Variants in LRCH1 observed in about 807,000 individuals in gnomAD.
LRCH1 encodes leucine rich repeats and calponin homology domain containing 1, also known as leucine-rich repeat and calponin homology domain-containing protein 1.
LRCH1 carries 23 observed loss-of-function variants against 94.9 expected under a neutral mutation model. The observed-to-expected ratio is 0.24, with a 90% CI of 0.17 to 0.34. The LOEUF (loss-of-function observed/expected upper bound fraction) is 0.34. Among genes scored for constraint, LRCH1 ranks in the 10% least tolerant of loss-of-function variants. LRCH1 has a pLI of 1.00. For synonymous variants in LRCH1, 364 were observed against 354.9 expected, an observed-to-expected ratio of 1.03 and a Z score of -0.29; for missense variants, 790 against 945.9, an observed-to-expected ratio of 0.84 and a Z score of 2.16.
chr13:46,678,475 C>G (rs1181490223), intron 3 of LRCH1, among the ~76,000 whole-genome samples: 1 of 152,114 alleles, frequency 6.6e-6, no homozygotes, highest in East Asian at 1.9e-4. Flanking sequence ...GGCGTTTTCC[C>G]CCCATTATTT....
rs1338854252 is a variant in LRCH1, at chr13:46,577,579, T to C, written c.307+23876T>C. ...GGTGGTAGGTTATACAGGGTGGATA[T>C]AGTGTTGAAAGAAGGAATGAATGAA... On this transcript the variant is annotated intron_variant, in intron 1 of 19. Transcript: ENST00000389797. Among the ~76,000 whole-genome samples the C allele has an allele frequency of 2.0e-5, 3 of 152,196 alleles. No individual in the cohort carries two copies. The East Asian group carries it at 5.8e-4, about 29-fold the overall frequency.
At chr13:46,557,858 C>CA (rs2050082903) in intron 1 of LRCH1, among the ~76,000 whole-genome samples, 2 of 151,858 alleles carry the variant, frequency 1.3e-5, no homozygotes. Flanking sequence ...GACTCCATCT[C>CA]AAAAAATGAA....
intron 3 of LRCH1, among the ~76,000 whole-genome samples, chr13:46,671,599 A>G (rs1277655708): frequency 2.0e-5 from 3 of 152,188 alleles, no homozygotes; most frequent in African/African-American, 7.2e-5. Context: ...AGGAAACAAA[A>G]AATTTCCTAG....
chr13:46,555,606 T>C (rs944561408), intron 1 of LRCH1, among the ~76,000 whole-genome samples: 1 of 152,222 alleles, frequency 6.6e-6, no homozygotes, highest in African/African-American at 2.4e-5. Context: ...TGAGCTCACT[T>C]GCACATGTTT....
intron 1 of LRCH1, among the ~76,000 whole-genome samples, chr13:46,578,980 C>T (rs191798678): frequency 2.0e-4 from 31 of 152,134 alleles, no homozygotes; most frequent in South Asian, 4.2e-4. Context: ...GACCTAAGGC[C>T]GACAAAATTC....
intron 18 of LRCH1, among the ~76,000 whole-genome samples, chr13:46,732,268 A>G (rs959087335): frequency 5.9e-5 from 9 of 152,234 alleles, no homozygotes; most frequent in Admixed American, 5.2e-4. Flanking sequence ...TATCATTGTC[A>G]GTATCCTTAG....
At chr13:46,740,378 A>C (rs1046087383) in intron 19 of LRCH1, among the ~76,000 whole-genome samples, 2 of 152,226 alleles carry the variant, frequency 1.3e-5, no homozygotes, top group Admixed American at 6.5e-5. Flanking sequence ...AAATAAAATT[A>C]GAATGTTTTT....
intron 3 of LRCH1, among the ~76,000 whole-genome samples, chr13:46,679,144 C>G (rs1237268497): frequency 6.6e-6 from 1 of 152,176 alleles, no homozygotes; most frequent in Non-Finnish European, 1.5e-5. Flanking sequence ...GCAAATAATT[C>G]CTTCTAATTC....
intron 1 of LRCH1, among the ~76,000 whole-genome samples, chr13:46,630,125 C>CT (rs1171796131): frequency 3.3e-5 from 5 of 152,116 alleles, no homozygotes; most frequent in Non-Finnish European, 7.4e-5. Context: ...CTTTAGTTTT[C>CT]TTTTTTGCTA....
chr13:46,576,193 A>G (rs1031509328), intron 1 of LRCH1, among the ~76,000 whole-genome samples: 7 of 152,218 alleles, frequency 4.6e-5, no homozygotes, highest in African/African-American at 1.7e-4. Flanking sequence ...CTTATGGGGC[A>G]GTCTCCTAAG....
intron 1 of LRCH1, among the ~76,000 whole-genome samples, chr13:46,637,902 G>A (rs2051112019): frequency 6.6e-6 from 1 of 152,224 alleles, no homozygotes; most frequent in Non-Finnish European, 1.5e-5. Flanking sequence ...TACACAGCAA[G>A]TATTCCTTGA....
intron 1 of LRCH1, among the ~76,000 whole-genome samples, chr13:46,638,872 C>A (rs1018604265): frequency 1.3e-5 from 2 of 152,092 alleles, no homozygotes; most frequent in Non-Finnish European, 1.5e-5. Flanking sequence ...TTTACCTTTG[C>A]AAGGGGGGTG....
chr13:46,554,453 T>C (rs1265330885), intron 1 of LRCH1, among the ~76,000 whole-genome samples: 1 of 152,108 alleles, frequency 6.6e-6, no homozygotes, highest in African/African-American at 2.4e-5. Flanking sequence ...CGAGGCTACC[T>C]GGTTCTCAGT....
intron 4 of LRCH1, 108 bp from the exon 5 acceptor site, chr13:46,685,797 T>C (rs764697905): frequency 1.3e-6 from 1 of 776,402 alleles, no homozygotes; most frequent in Non-Finnish European, 1.9e-6. Flanking sequence ...TTATACTCAA[T>C]TGTATTTTTC....
chr13:46,743,183 G>A lies in LRCH1; in HGVS notation c.*1335G>A, dbSNP rs1873751984. 1.0e-6 allele frequency: 1 copy of A among 985,636 alleles called. No individual in the cohort carries two copies. 61.1% of individuals were successfully genotyped at this position (985,636 alleles called of 1,614,324 possible). A position where few individuals can be genotyped will look rare whatever the true frequency, so the allele number is the denominator to read the frequency against. On this transcript the variant is annotated 3_prime_UTR_variant, in exon 20 of 20. Transcript: ENST00000389797. ...AGATAAATTTCTAGTTTATTAAGAT[G>A]CAAACAGCTCTCATAGATGGCTACT...
At chr13:46,575,333 C>T (rs1417437545) in intron 1 of LRCH1, among the ~76,000 whole-genome samples, 1 of 152,138 alleles carries the variant, frequency 6.6e-6, no homozygotes, top group Admixed American at 6.5e-5. Context: ...CTTAGAGTCA[C>T]AGAACCACAA....
At chr13:46,667,155 A>G (rs745438497) in intron 2 of LRCH1, among the ~76,000 whole-genome samples, 16 of 152,296 alleles carry the variant, frequency 1.1e-4, no homozygotes, top group Non-Finnish European at 1.8e-4. Flanking sequence ...ATGGGTCTGC[A>G]CAATGGAGAG....
chr13:46,612,414 T>C (rs1320354387), intron 1 of LRCH1, among the ~76,000 whole-genome samples: 1 of 152,220 alleles, frequency 6.6e-6, no homozygotes, highest in Non-Finnish European at 1.5e-5. Flanking sequence ...TAGTTTTAAA[T>C]ATGTATAAGC....
chr13:46,640,418 G>A (rs548818864), intron 1 of LRCH1, among the ~76,000 whole-genome samples: 2 of 152,272 alleles, frequency 1.3e-5, no homozygotes, highest in East Asian at 3.9e-4. Flanking sequence ...CCAAGTTCAT[G>A]CAGCTAAGTG....
Sources: gnomAD v4.1 joint callset for allele counts (sites outside exome capture counted in the v4.1 genomes callset) on GRCh38, gnomAD v4.1.1 for gene constraint, MANE v1.5 for transcripts, NCBI Gene and HGNC (gene_info 2026-07-23, HGNC 2026-07-21) for gene names.